Variants in MIER1 observed in about 807,000 individuals in gnomAD.
MIER1 encodes mesoderm induction early response protein 1.
Under a neutral mutation model 75.7 loss-of-function variants are expected in MIER1, and 40 were observed. That is an observed-to-expected ratio of 0.53 (90% CI 0.41 to 0.69). The LOEUF is 0.69. Ranked by LOEUF, MIER1 falls within the 30% of genes least tolerant of loss-of-function variation. The pLI, the probability that MIER1 is intolerant of heterozygous loss-of-function variation, is 0.00. For synonymous variants in MIER1, 213 were observed against 223.4 expected, an observed-to-expected ratio of 0.95 and a Z score of 0.42; for missense variants, 574 against 680.2, an observed-to-expected ratio of 0.84 and a Z score of 1.74.
intron 3 of MIER1, 67 bp downstream of exon 3, chr1:66,940,119 A>G (rs1570159540): frequency 8.5e-7 from 1 of 1,182,184 alleles, no homozygotes; most frequent in South Asian, 1.3e-5. Flanking sequence ...TTGCATAAAG[A>G]CTAGAGGAGT....
rs1240199577 is a variant in MIER1, at chr1:66,974,630, A to AT, written c.1101+1640dup. 2.0e-5 allele frequency among the ~76,000 whole-genome samples: 3 copies of AT among 152,298 alleles called. No individual in the cohort carries two copies. In the East Asian group the frequency reaches 5.8e-4, roughly 29 times the overall value. ...GACTTGAAACTTAGAGCCAAGTAAC[A>AT]TAAGTATTAAAAGTATAACCTTGAT... is the stretch of plus-strand genomic sequence containing the variant. On this transcript the variant is annotated intron_variant, in intron 11 of 13. Coordinates refer to ENST00000401041, the MANE Select transcript of MIER1 (RefSeq NM_001077700.3).
intron 8 of MIER1, among the ~76,000 whole-genome samples, chr1:66,969,174 A>G (rs1039074599): frequency 1.3e-5 from 2 of 152,218 alleles, no homozygotes; most frequent in African/African-American, 4.8e-5. Context: ...TTTAAACAAA[A>G]GTATCTATTT....
intron 2 of MIER1, among the ~76,000 whole-genome samples, chr1:66,934,976 G>T (rs186312997): frequency 2.7e-4 from 41 of 152,106 alleles, no homozygotes; most frequent in African/African-American, 9.4e-4. Flanking sequence ...AGTAGATGAC[G>T]GCAATACTTA....
At chr1:66,978,949 ATTCTT>A (rs1042844222) in intron 12 of MIER1, among the ~76,000 whole-genome samples, 2 of 152,212 alleles carry the variant, frequency 1.3e-5, no homozygotes, top group African/African-American at 4.8e-5. Context: ...AAGGTTAAAT[ATTCTT>A]TAGGTAGAGT....
chr1:66,929,599 AAC>A (rs1177280843), intron 2 of MIER1, among the ~76,000 whole-genome samples: 1 of 152,224 alleles, frequency 6.6e-6, no homozygotes, highest in African/African-American at 2.4e-5. Flanking sequence ...ATATCCATAA[AAC>A]AGTCAATTTT....
chr1:66,973,093 T>A (rs1386794996), intron 11 of MIER1, 102 bp downstream of exon 11: 1 of 630,182 alleles, frequency 1.6e-6, no homozygotes, highest in East Asian at 2.9e-5. Flanking sequence ...AAAGGTTTCA[T>A]AATTAATATG....
intron 4 of MIER1, among the ~76,000 whole-genome samples, chr1:66,951,274 G>A (rs772714912): frequency 1.6e-4 from 24 of 152,084 alleles, no homozygotes; most frequent in Non-Finnish European, 2.5e-4. Context: ...GACTGTAGGC[G>A]TGCACCACTA....
rs1298614704 is a variant in MIER1 at position 66,925,065 on chromosome 1, G to C, written c.37G>C (p.Glu13Gln). The change falls in exon 1 of 14, where the codon GAA becomes CAA. Residue 13 changes from glutamate to glutamine, a missense_variant. Physicochemically the swap from Glu to Gln is conservative, Grantham distance 29. Coordinates refer to ENST00000401041, the MANE Select transcript of MIER1 (RefSeq NM_001077700.3). ...GASSGGGGSS[E>Q]GGGGSSGSGY... ...TTCTTCAGGCGGTGGCGGCAGCAGC[G>C]AAGGTGGCGGCGGCAGCAGCGGCAG... 4 of 1,548,304 alleles carry C rather than the reference G, an allele frequency of 2.6e-6. No individual in the cohort carries two copies. The highest frequency in any genetic ancestry group is 2.0e-5 in the Admixed American group (1 of 49,830).
At chr1:66,972,500 A>G (rs1663908532) in intron 10 of MIER1, among the ~76,000 whole-genome samples, 1 of 151,866 alleles carries the variant, frequency 6.6e-6, no homozygotes, top group Admixed American at 6.6e-5. Flanking sequence ...ATTCAGAATG[A>G]AGTAATATTT....
intron 8 of MIER1, among the ~76,000 whole-genome samples, chr1:66,970,075 A>G (rs1343982975): frequency 1.3e-5 from 2 of 152,056 alleles, no homozygotes; most frequent in East Asian, 3.9e-4. Context: ...AATTTTATCC[A>G]TGTTTTCTTC....
rs1428993397 is a variant in MIER1, at chr1:66,972,949, G to C, written c.1059G>C (p.Leu353=). 1 of 1,608,842 alleles carries C rather than the reference G, an allele frequency of 6.2e-7. No homozygotes were observed. Among genetic ancestry groups the C allele is most frequent in the Non-Finnish European group, 8.5e-7 (1 of 1,175,690 alleles). ...EEECRNFEQG[L]KAYGKDFHLI... ...AGTGTAGAAATTTTGAACAAGGGCT[G>C]AAGGCCTATGGAAAGGATTTTCATT... The change falls in exon 11 of 14, where the codon CTG becomes CTC. Residue 353 remains leucine, a synonymous_variant. Transcript: ENST00000401041.
intron 3 of MIER1, 165 bp downstream of exon 3, chr1:66,940,217 G>A: frequency 2.5e-6 from 1 of 402,780 alleles, no homozygotes; most frequent in Non-Finnish European, 4.5e-6. Flanking sequence ...GCCCATGAAA[G>A]TACAGGTGAG....
chr1:66,937,241 T>C (rs1655115570), intron 2 of MIER1, among the ~76,000 whole-genome samples: 1 of 152,040 alleles, frequency 6.6e-6, no homozygotes, highest in African/African-American at 2.4e-5. Flanking sequence ...GCAGGGCAGG[T>C]ATTATTCCTA....
At chr1:66,961,899 T>C (rs944628309) in intron 7 of MIER1, among the ~76,000 whole-genome samples, 7 of 152,248 alleles carry the variant, frequency 4.6e-5, no homozygotes, top group Admixed American at 6.5e-5. Flanking sequence ...GTTTTTCTTA[T>C]GGGTATAGAA....
At chr1:66,939,412 C>T (rs1022918819) in intron 2 of MIER1, among the ~76,000 whole-genome samples, 2 of 152,116 alleles carry the variant, frequency 1.3e-5, no homozygotes, top group East Asian at 3.8e-4. Context: ...TCTGTGCAGT[C>T]TTGCATCAGA....
chr1:66,938,963 CTTAGACACA>C (rs1216067441), intron 2 of MIER1, among the ~76,000 whole-genome samples: 2 of 152,060 alleles, frequency 1.3e-5, no homozygotes, highest in African/African-American at 4.8e-5. Context: ...AGGAATTTGT[CTTAGACACA>C]TTGTTTTTGA....
At chr1:66,943,897 A>AT (rs1490347616) in intron 3 of MIER1, among the ~76,000 whole-genome samples, 2 of 152,172 alleles carry the variant, frequency 1.3e-5, no homozygotes, top group Admixed American at 1.3e-4. Flanking sequence ...AGGTGTTAGG[A>AT]TTAGTATACC....
chr1:66,975,988 T>TGTG (rs1553256029), intron 11 of MIER1, among the ~76,000 whole-genome samples: 1 of 96,970 alleles, frequency 1.0e-5, no homozygotes, highest in Non-Finnish European at 2.6e-5. Flanking sequence ...CAGGCCTTTT[T>TGTG]TTTGTGTGTG....
At position 66,925,012 on chromosome 1, in the gene MIER1, C is replaced by T; in HGVS notation, c.-17C>T. 1 of 1,545,450 alleles carries T rather than the reference C, an allele frequency of 6.5e-7. No individual in the cohort carries two copies. Among genetic ancestry groups the T allele is most frequent in the Non-Finnish European group, 8.7e-7 (1 of 1,145,076 alleles). On this transcript the variant is annotated 5_prime_UTR_variant, in exon 1 of 14. Coordinates refer to ENST00000401041, the MANE Select transcript of MIER1 (RefSeq NM_001077700.3). The stretch of plus-strand genomic sequence containing the variant: ...CTCAGGCCCCTCCCAGGCTCTGAGT[C>T]TCCCGGCTGCAGGCGGATGGATGGG...
Sources: allele counts gnomAD v4.1 joint callset (sites outside exome capture counted in the v4.1 genomes callset), GRCh38; gene constraint gnomAD v4.1.1; transcripts MANE v1.5; gene names NCBI Gene and HGNC (gene_info 2026-07-23, HGNC 2026-07-21).